PI4KB: variants seen among roughly 807,000 people sequenced by gnomAD.
PI4KB encodes the protein phosphatidylinositol 4-kinase beta.
Under a neutral mutation model 81.4 loss-of-function variants are expected in PI4KB, and 23 were observed. The observed-to-expected ratio is 0.28, with a 90% CI of 0.20 to 0.40. The LOEUF (loss-of-function observed/expected upper bound fraction) is 0.40. Ranked by LOEUF, PI4KB falls within the 10% of genes least tolerant of loss-of-function variation. The probability of loss-of-function intolerance (pLI) is 1.00; values close to 1 mark genes in which losing one functional copy is unlikely to be tolerated. For synonymous variants in PI4KB, 381 were observed against 406.8 expected (o/e 0.94, Z 0.76); for missense variants, 651 against 1,036.6 (o/e 0.63, Z 5.11).
At chr1:151,293,523 A>C in intron 11 of PI4KB, 1 of 789,176 alleles carries the variant, frequency 1.3e-6, no homozygotes, top group Non-Finnish European at 1.7e-6. Flanking sequence ...CCTGGTATAC[A>C]CCTGGAGCCT....
chr1:151,301,725 G>A (rs1283497581), intron 8 of PI4KB, 119 bp downstream of exon 8: 2 of 868,402 alleles, frequency 2.3e-6, no homozygotes, highest in East Asian at 5.3e-5. Context: ...GTAGAGACAG[G>A]GTTTCACCAT....
chr1:151,315,124 G>A (rs1571203069), intron 2 of PI4KB, among the ~76,000 whole-genome samples: 3 of 152,142 alleles, frequency 2.0e-5, no homozygotes, highest in East Asian at 3.9e-4. Flanking sequence ...GATTACACGC[G>A]CCCACCACCA....
At chr1:151,312,035 G>C (rs1696267333) in intron 2 of PI4KB, among the ~76,000 whole-genome samples, 1 of 152,256 alleles carries the variant, frequency 6.6e-6, no homozygotes, top group Non-Finnish European at 1.5e-5. Flanking sequence ...TGCCTGGGCA[G>C]AGTTCCCCGA....
chr1:151,307,754 C>A lies in PI4KB; in HGVS notation c.1002G>T (p.Ala334=). The change falls in exon 4 of 12, where the codon GCG becomes GCT. Residue 334 remains alanine (A), a synonymous_variant. Transcript: ENST00000368873. ...GGAGCGTGGCCAGCCGCTTGCCGAT[C>A]GCCATCAGGGACTTGATGAATTCTC... ...PEREFIKSLM[A]IGKRLATLPT... is the part of the protein sequence containing the mutation. 1 of 1,614,092 alleles carries A rather than the reference C, an allele frequency of 6.2e-7. No individual in the cohort carries two copies. Among genetic ancestry groups the A allele is most frequent in the Non-Finnish European group, 8.5e-7 (1 of 1,180,012 alleles).
chr1:151,297,466 G>A (rs931464647), intron 9 of PI4KB, among the ~76,000 whole-genome samples: 3 of 150,830 alleles, frequency 2.0e-5, no homozygotes, highest in Admixed American at 6.7e-5. Context: ...CTTACCTCCC[G>A]AGTAGCTGGG....
chr1:151,314,078 T>C (rs587607359), intron 2 of PI4KB, among the ~76,000 whole-genome samples: 1 of 152,382 alleles, frequency 6.6e-6, no homozygotes, highest in Non-Finnish European at 1.5e-5. Context: ...TTTACCATTA[T>C]TAAACTATCC....
chr1:151,318,182 G>T (rs1648260001), intron 1 of PI4KB, among the ~76,000 whole-genome samples: 1 of 151,946 alleles, frequency 6.6e-6, no homozygotes, highest in Admixed American at 6.6e-5. Flanking sequence ...ACTTTGGGAG[G>T]CCGAGGTGGG....
chr1:151,319,610 G>C (rs897627179), intron 1 of PI4KB, among the ~76,000 whole-genome samples: 1 of 152,228 alleles, frequency 6.6e-6, no homozygotes, highest in Non-Finnish European at 1.5e-5. Flanking sequence ...TGGAGGGACT[G>C]TTGGAAGGAA....
intron 2 of PI4KB, among the ~76,000 whole-genome samples, chr1:151,313,042 A>T (rs1238695884): frequency 6.6e-6 from 1 of 151,650 alleles, no homozygotes; most frequent in Non-Finnish European, 1.5e-5. Flanking sequence ...ACGGACAGAC[A>T]GACGGGTGGG....
intron 9 of PI4KB, among the ~76,000 whole-genome samples, chr1:151,295,502 TGA>T (rs1694711172): frequency 1.3e-5 from 2 of 152,256 alleles, no homozygotes. Context: ...ACAGAGGCCC[TGA>T]GAGAGGAAGT....
intron 8 of PI4KB, 24 bp downstream of exon 8, chr1:151,301,820 T>C (rs1695313728): frequency 1.9e-6 from 3 of 1,611,848 alleles, no homozygotes; most frequent in African/African-American, 2.7e-5. Context: ...CCACTGTGCC[T>C]GGCCTCTCCT....
chr1:151,321,265 C>T (rs905900642), intron 1 of PI4KB, among the ~76,000 whole-genome samples: 1 of 152,238 alleles, frequency 6.6e-6, no homozygotes, highest in African/African-American at 2.4e-5. Flanking sequence ...GGGTCTCTTC[C>T]CTGGCCTCTC....
chr1:151,298,118 G>T (rs1694960606), intron 9 of PI4KB, among the ~76,000 whole-genome samples: 1 of 152,192 alleles, frequency 6.6e-6, no homozygotes. Context: ...ACAGCTCTGG[G>T]CAAAACAACA....
At chr1:151,319,143 T>C (rs924806769) in intron 1 of PI4KB, among the ~76,000 whole-genome samples, 4 of 152,166 alleles carry the variant, frequency 2.6e-5, no homozygotes, top group Admixed American at 1.3e-4. Context: ...TATGAAAGAA[T>C]CTAGCACAGT....
chr1:151,326,262 C>T, intron 1 of PI4KB: 3 of 1,420,710 alleles, frequency 2.1e-6, no homozygotes, highest in Middle Eastern at 1.8e-4. Flanking sequence ...GGGACTTCTT[C>T]AAAACTTGCT....
Position 151,299,064 on chromosome 1 carries a change from C to G in PI4KB, c.1759G>C (p.Glu587Gln), listed in dbSNP as rs1228462683. The G allele has an allele frequency of 1.2e-6, 2 of 1,613,890 alleles. No homozygotes were observed. The highest frequency in any genetic ancestry group is 1.1e-5 in the South Asian group (1 of 91,082). ...ATCCAAAGGGGCACTCGCTCCTGTTCCCAAATGGACTGTGAGGAGACATGG... is the reference window on the plus strand; with the variant it reads ...ATCCAAAGGGGCACTCGCTCCTGTTGCCAAATGGACTGTGAGGAGACATGG... The part of the protein sequence containing the change: ...QVLKQLQSIW[E>Q]QERVPLWIKP... Residue 587 changes from glutamate to glutamine, a missense_variant, in exon 9 of 12, where the codon GAA becomes CAA. Around this residue, in one of 5 missense-constraint regions of PI4KB, gnomAD observed 246 missense variants for 430.1 expected, o/e 0.57. Transcript: ENST00000368873.
intron 1 of PI4KB, among the ~76,000 whole-genome samples, chr1:151,323,761 AAAAC>A (rs1415281871): frequency 6.6e-6 from 1 of 152,026 alleles, no homozygotes; most frequent in Non-Finnish European, 1.5e-5. Flanking sequence ...AACAAACAAA[AAAAC>A]AAAGAAATAG....
intron 6 of PI4KB, among the ~76,000 whole-genome samples, chr1:151,302,682 A>G (rs1420440751): frequency 6.8e-6 from 1 of 146,902 alleles, no homozygotes; most frequent in Non-Finnish European, 1.5e-5. Flanking sequence ...GGTCCACGCC[A>G]TTCTCCTGCC....
At position 151,316,430 on chromosome 1, in the gene PI4KB, T is replaced by C. The variant is rs770637267; in HGVS notation, c.52A>G (p.Thr18Ala). The C allele has an allele frequency of 1.5e-5, 23 of 1,578,950 alleles. No homozygotes were observed. In the South Asian group the frequency reaches 2.4e-4, roughly 16 times the overall value. ...CCATTATTCCCTGGTGGGCCAGAAG[T>C]GGGCTCAGAAGTTGGCTTCAAGGGG... ...PAPLKPTSEP[T>A]SGPPGNNGGS... The change falls in exon 2 of 12, where the codon ACT (threonine) becomes GCT (alanine). Residue 18 changes from threonine to alanine, a missense_variant. Coordinates refer to ENST00000368873, the MANE Select transcript of PI4KB (RefSeq NM_001369623.2).
Sources: allele counts gnomAD v4.1 joint callset (sites outside exome capture counted in the v4.1 genomes callset), GRCh38; gene constraint gnomAD v4.1.1; regional missense constraint gnomAD v4.1.1; transcripts MANE v1.5; gene names NCBI Gene and HGNC (gene_info 2026-07-23, HGNC 2026-07-21).